The following CFAP276 variants were observed in gnomAD, a reference collection of about 807,000 sequenced individuals.
CFAP276 encodes the protein cilia and flagella associated protein 276, also known as cilia- and flagella-associated protein 276.
the CFAP276 span, among the ~76,000 whole-genome samples, chr1:109,112,220 A>G: frequency 6.6e-6 from 1 of 152,238 alleles, no homozygotes; most frequent in Non-Finnish European, 1.5e-5. Context: ...AGATGTGTAA[A>G]GCATGACCTC....
the CFAP276 span, among the ~76,000 whole-genome samples, chr1:109,109,448 C>A: frequency 7.6e-5 from 11 of 144,912 alleles, no homozygotes; most frequent in South Asian, 2.5e-3. Context: ...GACTCTGTCT[C>A]AAAAAAAATA....
the CFAP276 span, chr1:109,106,722 C>A: frequency 6.5e-7 from 1 of 1,549,166 alleles, no homozygotes; most frequent in South Asian, 1.2e-5. Context: ...GTGAGGAAGG[C>A]AAGGTAGTTG....
the CFAP276 span, among the ~76,000 whole-genome samples, chr1:109,113,468 G>C: frequency 1.1e-4 from 14 of 126,996 alleles, no homozygotes; most frequent in Non-Finnish European, 2.4e-4. Context: ...GAGAGAGAGA[G>C]GCCCACGTGC....
the CFAP276 span, chr1:109,113,826 C>T: frequency 1.3e-6 from 1 of 794,006 alleles, no homozygotes; most frequent in Non-Finnish European, 1.9e-6. Context: ...CCCGGGCCTG[C>T]CTGTTGGGCC....
the CFAP276 span, chr1:109,113,671 T>G: frequency 2.5e-6 from 4 of 1,614,022 alleles, no homozygotes; most frequent in Admixed American, 6.7e-5. Flanking sequence ...GAGGGTGATC[T>G]CTCCATCTTC....
the CFAP276 span, chr1:109,112,802 C>T: frequency 6.9e-7 from 1 of 1,459,016 alleles, no homozygotes; most frequent in Non-Finnish European, 9.1e-7. Context: ...AGGCAACTGC[C>T]CAGCCATCTA....
At chr1:109,109,068 C>T in the CFAP276 span, among the ~76,000 whole-genome samples, 1 of 152,136 alleles carries the variant, frequency 6.6e-6, no homozygotes, top group Non-Finnish European at 1.5e-5. Context: ...TCCCCAGTTC[C>T]TAGCACACTA....
the CFAP276 span, chr1:109,112,774 G>A: frequency 8.6e-6 from 13 of 1,503,812 alleles, no homozygotes; most frequent in Non-Finnish European, 1.2e-5. Context: ...ATTGTTTGGA[G>A]CGCTGGTTTC....
At chr1:109,106,040 G>A in the CFAP276 span, 1 of 1,613,494 alleles carries the variant, frequency 6.2e-7, no homozygotes, top group African/African-American at 1.3e-5. Flanking sequence ...AGGTGGAGAA[G>A]AAGCCACCAT....
At chr1:109,113,561 T>C in the CFAP276 span, 1 of 1,518,542 alleles carries the variant, frequency 6.6e-7, no homozygotes, top group Non-Finnish European at 9.1e-7. Flanking sequence ...TTCTAGCCGG[T>C]TGTAAAAGCA....
the CFAP276 span, among the ~76,000 whole-genome samples, chr1:109,107,711 A>G: frequency 6.7e-6 from 1 of 148,884 alleles, no homozygotes; most frequent in Non-Finnish European, 1.5e-5. Context: ...CAACATATCG[A>G]GACCTCATCT....
the CFAP276 span, among the ~76,000 whole-genome samples, chr1:109,110,883 C>T: frequency 6.6e-6 from 1 of 152,170 alleles, no homozygotes; most frequent in Non-Finnish European, 1.5e-5. Context: ...TCAGTGAAAC[C>T]TCAGAATTAA....
At chr1:109,107,033 G>A in the CFAP276 span, 175 of 1,614,120 alleles carry the variant, frequency 1.1e-4, no homozygotes, top group African/African-American at 1.9e-3. Context: ...TGGTTTTCTG[G>A]TTTAACAGTA....
At chr1:109,113,469 G>GAGAGA in the CFAP276 span, among the ~76,000 whole-genome samples, 11 of 74,934 alleles carry the variant, frequency 1.5e-4, 1 homozygote, top group African/African-American at 3.0e-4. Flanking sequence ...AGAGAGAGAG[G>GAGAGA]CCCACGTGCG....
the CFAP276 span, among the ~76,000 whole-genome samples, chr1:109,113,425 A>AGGGAGG: frequency 1.5e-5 from 1 of 66,894 alleles, no homozygotes; most frequent in African/African-American, 4.6e-5. Flanking sequence ...AAAGAGAGAG[A>AGGGAGG]GAGAGAGAGA....
At chr1:109,108,084 C>T in the CFAP276 span, 1 of 1,375,812 alleles carries the variant, frequency 7.3e-7, no homozygotes, top group Non-Finnish European at 1.0e-6. Flanking sequence ...ATACGGGAAG[C>T]CTTGCTGATG....
At chr1:109,108,020 G>GTTATTTTTTTTTTTTTTTTTT in the CFAP276 span, 6 of 1,605,116 alleles carry the variant, frequency 3.7e-6, no homozygotes, top group Non-Finnish European at 5.1e-6. Context: ...GGTGTGTTGG[G>GTTATTTTTTTTTTTTTTTTTT]TTCTTATATG....
the CFAP276 span, chr1:109,107,992 G>A: frequency 1.2e-6 from 2 of 1,613,928 alleles, no homozygotes; most frequent in Non-Finnish European, 8.5e-7. Flanking sequence ...CGACTCCAGG[G>A]TTCCTGCTGC....
chr1:109,108,819 G>A, the CFAP276 span, among the ~76,000 whole-genome samples: 2 of 152,170 alleles, frequency 1.3e-5, no homozygotes, highest in African/African-American at 4.8e-5. Flanking sequence ...GGATTGTACA[G>A]TATTATAACT....
Sources: gnomAD v4.1 joint callset for allele counts (sites outside exome capture counted in the v4.1 genomes callset) on GRCh38, gnomAD v4.1.1 for gene constraint, MANE v1.5 for transcripts, NCBI Gene and HGNC (gene_info 2026-07-23, HGNC 2026-07-21) for gene names.